ELAC1: variants seen among roughly 807,000 people sequenced by gnomAD.
ELAC1 encodes zinc phosphodiesterase ELAC protein 1.
ELAC1 carries 19 observed loss-of-function variants against 25.8 expected under a neutral mutation model. The ratio of observed to expected loss-of-function variants is 0.74; its 90% CI spans 0.51 to 1.08. The LOEUF (loss-of-function observed/expected upper bound fraction) is 1.08. Ranked by LOEUF, ELAC1 falls within the 50% of genes least tolerant of loss-of-function variation. ELAC1 has a pLI of 0.00. For missense variants in ELAC1, 403 were observed against 434.6 expected, an observed-to-expected ratio of 0.93 and a Z score of 0.65; for synonymous variants, 148 against 160.9, an observed-to-expected ratio of 0.92 and a Z score of 0.61.
intron 1 of ELAC1, chr18:50,969,221 G>T (rs1907584793): frequency 6.6e-6 from 1 of 152,146 alleles, no homozygotes; most frequent in Non-Finnish European, 1.5e-5. Context: ...ATGTCTCTTA[G>T]ATCTCTCTTA....
chr18:50,982,765 C>G (rs1907986907), intron 2 of ELAC1, among the ~76,000 whole-genome samples: 1 of 152,204 alleles, frequency 6.6e-6, no homozygotes, highest in Non-Finnish European at 1.5e-5. Context: ...GATCGGCTTT[C>G]CTGCATTCTG....
At chr18:50,969,488 A>G (rs1216443146) in intron 1 of ELAC1, 1 of 152,210 alleles carries the variant, frequency 6.6e-6, no homozygotes, top group African/African-American at 2.4e-5. Context: ...TGGACCTTTT[A>G]TGTACAAGTA....
At position 50,973,837 on chromosome 18, in the gene ELAC1, G is replaced by GA. The variant is rs199690451; in HGVS notation, c.-8-551dup. Among the ~76,000 whole-genome samples, 18 of 150,462 alleles carry GA rather than the reference G, an allele frequency of 1.2e-4. No homozygotes were observed. The East Asian group carries it at 2.9e-3, about 24-fold the overall frequency. On this transcript the variant is annotated intron_variant, in intron 1 of 3. Coordinates refer to ENST00000269466, the MANE Select transcript of ELAC1 (RefSeq NM_018696.3). The stretch of plus-strand genomic sequence containing the variant: ...TATGTTCAGAAGCTTAAGGGCTCAT[G>GA]AAAAAAAAATGAAAAATGTGCTACA...
chr18:50,986,089 C>T (rs1481231661), intron 3 of ELAC1, among the ~76,000 whole-genome samples: 2 of 138,926 alleles, frequency 1.4e-5, no homozygotes, highest in African/African-American at 2.7e-5. Context: ...GATCTCAGCT[C>T]GCTCACTGCA....
In ELAC1 at chr18:50,986,829, A is replaced by T; in HGVS notation, c.836A>T (p.Asp279Val). 1 of 1,614,190 alleles carries T rather than the reference A, an allele frequency of 6.2e-7. No individual in the cohort carries two copies. The highest frequency in any genetic ancestry group is 8.5e-7 in the Non-Finnish European group (1 of 1,180,028). The change falls in exon 4 of 4, where the codon GAT (aspartate) becomes GTT (valine). Residue 279 changes from aspartate to valine, a missense_variant. Coordinates refer to ENST00000269466, the MANE Select transcript of ELAC1 (RefSeq NM_018696.3). ...ADLLIHEATL[D>V]DAQMDKAKEH... ...CTGTTGATCCACGAAGCAACCCTGGATGATGCCCAGATGGACAAAGCAAAG... is the reference window on the plus strand; with the variant it reads ...CTGTTGATCCACGAAGCAACCCTGGTTGATGCCCAGATGGACAAAGCAAAG...
At chr18:50,969,726 G>T (rs1338147303) in intron 1 of ELAC1, 1 of 152,242 alleles carries the variant, frequency 6.6e-6, no homozygotes, top group African/African-American at 2.4e-5. Flanking sequence ...AGTAATGGGG[G>T]TGGTGTGTAT....
At chr18:50,982,558 G>A (rs1449724712) in intron 2 of ELAC1, among the ~76,000 whole-genome samples, 1 of 152,192 alleles carries the variant, frequency 6.6e-6, no homozygotes, top group Non-Finnish European at 1.5e-5. Flanking sequence ...GTTAATTTTT[G>A]TTGTTACTTT....
At position 50,986,773 on chromosome 18, in the gene ELAC1, T is replaced by C. The variant is rs1470828185; in HGVS notation, c.780T>C (p.Asp260=). 1.9e-6 allele frequency: 3 copies of C among 1,614,016 alleles called. No individual in the cohort carries two copies. The African/African-American group carries it at 4.0e-5, about 22-fold the overall frequency. The change falls in exon 4 of 4, where the codon GAT becomes GAC. Residue 260 remains aspartate, a synonymous_variant. Coordinates refer to ENST00000269466, the MANE Select transcript of ELAC1 (RefSeq NM_018696.3). ...ILGDCSGVVG[D]GGVKLCFEAD... The stretch of plus-strand genomic sequence containing the variant: ...GTGACTGCTCTGGGGTTGTGGGTGA[T>C]GGAGGAGTAAAACTGTGCTTTGAAG...
chr18:50,978,921 G>T (rs1907866711), intron 2 of ELAC1, among the ~76,000 whole-genome samples: 1 of 152,216 alleles, frequency 6.6e-6, no homozygotes, highest in Non-Finnish European at 1.5e-5. Flanking sequence ...ATACTGTCTT[G>T]TGTTGAAACT....
intron 1 of ELAC1, among the ~76,000 whole-genome samples, chr18:50,971,772 T>A (rs1165527890): frequency 6.6e-6 from 1 of 151,474 alleles, no homozygotes; most frequent in Non-Finnish European, 1.5e-5. Flanking sequence ...TTAAATTTTT[T>A]AAATAGATAC....
intron 2 of ELAC1, among the ~76,000 whole-genome samples, chr18:50,983,691 TA>T (rs35648801): frequency 0.29 from 37,103 of 128,784 alleles, 5,404 homozygotes; most frequent in East Asian, 0.46. Flanking sequence ...TCTACAAAAT[TA>T]AAAAAAAAAA....
At chr18:50,972,332 A>G (rs944238753) in intron 1 of ELAC1, among the ~76,000 whole-genome samples, 6 of 152,300 alleles carry the variant, frequency 3.9e-5, no homozygotes, top group South Asian at 2.1e-4. Flanking sequence ...AGAATAGCCA[A>G]TTATGTCAGT....
intron 2 of ELAC1, among the ~76,000 whole-genome samples, chr18:50,976,421 A>G (rs1385785272): frequency 6.6e-6 from 1 of 152,192 alleles, no homozygotes; most frequent in Non-Finnish European, 1.5e-5. Flanking sequence ...AGGCAAAGGC[A>G]GAGCAAAGGC....
chr18:50,986,964 C>A lies in ELAC1; in HGVS notation c.971C>A (p.Ala324Asp). The change falls in exon 4 of 4, where the codon GCC becomes GAC. Residue 324 changes from alanine (A) to aspartate (D), a missense_variant. Coordinates refer to ENST00000269466, the MANE Select transcript of ELAC1 (RefSeq NM_018696.3). ...CAGAGGTACAAACCAGTTGCCTTGG[C>A]CAGAGAAGGAGAAACAGATGGCATT... ...FSQRYKPVAL[A>D]REGETDGIAE... is the part of the protein sequence containing the mutation. 1.2e-6 allele frequency: 2 copies of A among 1,613,642 alleles called. No individual in the cohort carries two copies. The highest frequency in any genetic ancestry group is 1.7e-6 in the Non-Finnish European group (2 of 1,179,762).
At position 50,986,737 on chromosome 18, in the gene ELAC1, C is replaced by T; in HGVS notation, c.744C>T (p.Ile248=). Residue 248 remains isoleucine (I), a synonymous_variant, in exon 4 of 4, where the codon ATC becomes ATT. Coordinates refer to ENST00000269466, the MANE Select transcript of ELAC1 (RefSeq NM_018696.3). ...VLKKPIVGRK[I]CILGDCSGVV... The stretch of plus-strand genomic sequence containing the variant: ...AAAAGCCTATTGTTGGAAGAAAAAT[C>T]TGCATATTGGGTGACTGCTCTGGGG... 1 of 1,614,174 alleles carries T rather than the reference C, an allele frequency of 6.2e-7. No individual in the cohort carries two copies. Among genetic ancestry groups the T allele is most frequent in the Non-Finnish European group, 8.5e-7 (1 of 1,180,036 alleles).
At chr18:50,986,524 T>G (rs1211818215) in intron 3 of ELAC1, 95 bp from the exon 4 acceptor site, 5 of 955,858 alleles carry the variant, frequency 5.2e-6, no homozygotes, top group Admixed American at 2.4e-5. Context: ...TATGGATGCC[T>G]TTTCCATTAG....
chr18:50,984,950 T>G, intron 3 of ELAC1: 1 of 251,350 alleles, frequency 4.0e-6, no homozygotes, highest in East Asian at 7.7e-5. Context: ...AAAAGTGTCA[T>G]AGTAAGCTTC....
chr18:50,968,078 G>C lies in ELAC1; in HGVS notation c.-45G>C, dbSNP rs1375466703. 6.6e-6 allele frequency: 1 copy of C among 152,054 alleles called. No individual in the cohort carries two copies. The highest frequency in any genetic ancestry group is 2.4e-5 in the African/African-American group (1 of 41,422). 9.4% of individuals were successfully genotyped at this position (152,054 alleles called of 1,614,324 possible). A position where few individuals can be genotyped will look rare whatever the true frequency, so the allele number is the denominator to read the frequency against. On this transcript the variant is annotated 5_prime_UTR_variant, in exon 1 of 4. Transcript: ENST00000269466. ...CAGCTGGGCCAGGGTGCGGGCCTGCGCCTCCCTCGGCTCCTGGCGCGGGCC... is the reference window on the plus strand; with the variant it reads ...CAGCTGGGCCAGGGTGCGGGCCTGCCCCTCCCTCGGCTCCTGGCGCGGGCC...
chr18:50,984,611 G>GA, intron 3 of ELAC1, 48 bp downstream of exon 3: 7 of 1,337,438 alleles, frequency 5.2e-6, no homozygotes, highest in Non-Finnish European at 7.4e-6. Context: ...TCATCAATAG[G>GA]GCTCCTGTTG....
Sources: allele counts gnomAD v4.1 joint callset (sites outside exome capture counted in the v4.1 genomes callset), GRCh38; gene constraint gnomAD v4.1.1; transcripts MANE v1.5; gene names NCBI Gene and HGNC (gene_info 2026-07-23, HGNC 2026-07-21).